Variants in GPR137 observed in about 807,000 individuals in gnomAD.
GPR137 encodes the protein G protein-coupled receptor 137.
Under a neutral mutation model 38.9 loss-of-function variants are expected in GPR137, and 20 were observed. That is an observed-to-expected ratio of 0.51 (90% confidence interval 0.36 to 0.75). GPR137 has a LOEUF of 0.75. GPR137 is among the 30% of genes least tolerant of loss of function. The pLI is 0.00. For missense variants in GPR137, 456 were observed against 526.4 expected (o/e 0.87, Z 1.31); for synonymous variants, 226 against 235.8 (o/e 0.96, Z 0.38).
Position 64,287,951 on chromosome 11 carries a change from G to T in GPR137, c.633+5G>T. The T allele has an allele frequency of 6.2e-7, 1 of 1,601,258 alleles. No individual in the cohort carries two copies. Among genetic ancestry groups the T allele is most frequent in the Non-Finnish European group, 8.5e-7 (1 of 1,179,900 alleles). ...AGCATCTACCTGGAGGCCAAGGTAG[G>T]GCTGCAGCACTGATGCCCAGGTGTC... is the stretch of plus-strand genomic sequence containing the variant. On this transcript the variant is annotated splice_donor_5th_base_variant and intron_variant, in intron 3 of 6. Coordinates refer to ENST00000438980, the MANE Select transcript of GPR137 (RefSeq NM_001170880.2).
chr11:64,288,457 C>T lies in GPR137; in HGVS notation c.901C>T (p.Pro301Ser). The change falls in exon 5 of 7, where the codon CCA (proline) becomes TCA (serine). Residue 301 changes from proline to serine, a missense_variant. Pro to Ser is a moderately conservative substitution (Grantham distance 74). Transcript: ENST00000438980. The surrounding 1 kb of genome is among the most constrained non-coding windows in gnomAD (Gnocchi z 5.5). ...GGGCTTCTTCCGGGTGCACCGGCCC[C>T]CACAGGACCTGGTAAGGGTCTGCTC... The part of the protein sequence containing the change: ...LVGFFRVHRP[P>S]QDLSTSHILN... The T allele has an allele frequency of 1.9e-6, 3 of 1,613,402 alleles. No individual in the cohort carries two copies. The South Asian group carries it at 3.3e-5, about 18-fold the overall frequency.
chr11:64,285,428 G>A, upstream of GPR137: 1 of 984,240 alleles, frequency 1.0e-6, no homozygotes, highest in Non-Finnish European at 1.2e-6. Flanking sequence ...GCCCGCGCGG[G>A]GGATTCGGGG....
upstream of GPR137, among the ~76,000 whole-genome samples, chr11:64,272,330 AAAGC>A (rs1041701056): frequency 1.3e-5 from 2 of 151,992 alleles, no homozygotes. Flanking sequence ...AAAAAAAAAA[AAAGC>A]AAGAAGTATT....
upstream of GPR137, among the ~76,000 whole-genome samples, chr11:64,273,923 ATGTC>A (rs1219355715): frequency 6.6e-6 from 1 of 150,866 alleles, no homozygotes; most frequent in Non-Finnish European, 1.5e-5. Flanking sequence ...ATGGCAAGAT[ATGTC>A]TGTCAGGGAG....
rs956745658 is a variant in GPR137 at position 64,286,135 on chromosome 11, G to A, written c.-390G>A. 8 of 1,019,424 alleles carry A rather than the reference G, an allele frequency of 7.8e-6. No homozygotes were observed. Among genetic ancestry groups the A allele is most frequent in the African/African-American group, 1.7e-5 (1 of 58,552 alleles). 63.1% of individuals were successfully genotyped at this position (1,019,424 alleles called of 1,614,324 possible). A position where few individuals can be genotyped will look rare whatever the true frequency, so the allele number is the denominator to read the frequency against. ...AGCGGCCGCTGCCCTGACCCGACGG[G>A]TATCAGCCGGCTCTCCCCCTCCACC... On this transcript the variant is annotated 5_prime_UTR_variant, in exon 1 of 7. Coordinates refer to ENST00000438980, the MANE Select transcript of GPR137 (RefSeq NM_001170880.2).
upstream of GPR137, chr11:64,284,475 C>G (rs943095812): frequency 1.3e-6 from 2 of 1,592,284 alleles, no homozygotes; most frequent in Non-Finnish European, 1.7e-6. Flanking sequence ...CCCACCGTAG[C>G]GCCCCCAGGC....
At chr11:64,272,136 T>G (rs2032678072), upstream of GPR137, among the ~76,000 whole-genome samples, 1 of 152,114 alleles carries the variant, frequency 6.6e-6, no homozygotes, top group Non-Finnish European at 1.5e-5. Flanking sequence ...CTGGCCAACA[T>G]GGTGAAACCC....
In GPR137 at chr11:64,288,475, G is replaced by A; in HGVS notation, c.912+7G>A. 6.2e-7 allele frequency: 1 copy of A among 1,613,170 alleles called. No homozygotes were observed. Among genetic ancestry groups the A allele is most frequent in the African/African-American group, 1.3e-5 (1 of 75,070 alleles). On this transcript the variant is annotated splice_region_variant and intron_variant, in intron 5 of 6. Transcript: ENST00000438980. The surrounding 1 kb of genome is among the most constrained non-coding windows in gnomAD (Gnocchi z 5.5). ...CCGGCCCCCACAGGACCTGGTAAGG[G>A]TCTGCTCCCTCTTCTGTGGGGCCAG...
At chr11:64,273,975 A>G (rs2032845386), upstream of GPR137, among the ~76,000 whole-genome samples, 1 of 152,048 alleles carries the variant, frequency 6.6e-6, no homozygotes, top group South Asian at 2.1e-4. Flanking sequence ...CAGGAACTGA[A>G]GGCGGGGGAT....
At chr11:64,275,192 G>T (rs999620819), upstream of GPR137, among the ~76,000 whole-genome samples, 2 of 151,562 alleles carry the variant, frequency 1.3e-5, no homozygotes, top group African/African-American at 4.9e-5. Flanking sequence ...ACTAGGTCAG[G>T]AGTAAAGATT....
chr11:64,276,984 T>A, intron 2 of GPR137: 1 of 731,252 alleles, frequency 1.4e-6, no homozygotes, highest in East Asian at 2.6e-5. Flanking sequence ...TCCGCGAGCA[T>A]CCCTGCACTG....
Position 64,288,181 on chromosome 11 carries a change from C to G in GPR137, c.750C>G (p.Thr250=). Residue 250 remains threonine, a synonymous_variant, in exon 4 of 7, where the codon ACC becomes ACG. Coordinates refer to ENST00000438980, the MANE Select transcript of GPR137 (RefSeq NM_001170880.2). The surrounding 1 kb of genome is among the most constrained non-coding windows in gnomAD (Gnocchi z 5.5). ...LALAPQSRLD[T]FDYDWYNVSD... ...TGGCCCCCCAGAGCCGGCTGGACAC[C>G]TTCGATTACGACTGGTACAATGTGT... 4.3e-6 allele frequency: 7 copies of G among 1,613,234 alleles called. No individual in the cohort carries two copies. The highest frequency in any genetic ancestry group is 5.9e-6 in the Non-Finnish European group (7 of 1,179,976).
upstream of GPR137, among the ~76,000 whole-genome samples, chr11:64,273,651 T>C (rs961410285): frequency 2.0e-5 from 3 of 150,286 alleles, no homozygotes; most frequent in Non-Finnish European, 3.0e-5. Flanking sequence ...GAGGCCGAGG[T>C]TGGGGAGATC....
chr11:64,277,088 AC>A (rs1312775849), intron 2 of GPR137: 4 of 685,254 alleles, frequency 5.8e-6, no homozygotes, highest in South Asian at 4.7e-5. Context: ...ATTACAAGAC[AC>A]TTGCACACTG....
At chr11:64,276,762 G>T in intron 2 of GPR137, 1 of 600,020 alleles carries the variant, frequency 1.7e-6, no homozygotes, top group South Asian at 2.0e-5. Flanking sequence ...GGGAAGGGGT[G>T]TGGCTCCTCC....
In GPR137 at chr11:64,289,092, G is replaced by A; in HGVS notation, c.1087G>A (p.Gly363Ser). ...GTATGGTGCCATCGGGCGTGAGCCG[G>A]GCTGGTATGGGGGCAGCCAGACGAA... The part of the protein sequence containing the change: ...SWYGAIGREP[G>S]WYGGSQTKTT... The change falls in exon 7 of 7, where the codon GGC (glycine) becomes AGC (serine). Residue 363 changes from glycine (G) to serine (S), a missense_variant. By Grantham distance (56) the Gly-to-Ser change is moderately conservative. Transcript: ENST00000438980. 6.2e-7 allele frequency: 1 copy of A among 1,611,608 alleles called. No individual in the cohort carries two copies. The highest frequency in any genetic ancestry group is 8.5e-7 in the Non-Finnish European group (1 of 1,179,638).
In GPR137 at chr11:64,289,368, T is replaced by TG. The variant is rs751647893; in HGVS notation, c.*178dup. The TG allele has an allele frequency of 3.2e-6, 5 of 1,572,830 alleles. No homozygotes were observed. The highest frequency in any genetic ancestry group is 1.7e-4 in the Middle Eastern group (1 of 5,732). ...GTGAGCTTGTGCCGTCCCCCTAGGA[T>TG]GGGGGGCATGGCCCTGGCTGCCAGA... On this transcript the variant is annotated 3_prime_UTR_variant, in exon 7 of 7. Coordinates refer to ENST00000438980, the MANE Select transcript of GPR137 (RefSeq NM_001170880.2).
In GPR137 at chr11:64,289,252, CTG is replaced by C. The variant is rs1479807355; in HGVS notation, c.*59_*60del. The C allele has an allele frequency of 3.1e-6, 5 of 1,613,398 alleles. No individual in the cohort carries two copies. Among genetic ancestry groups the C allele is most frequent in the Non-Finnish European group, 4.2e-6 (5 of 1,179,738 alleles). ...CCCCAGTCCCCCTCACCCTAGGCCC[CTG>C]TGCCAAGTTTGTCTGCCGCTTCTTG... On this transcript the variant is annotated 3_prime_UTR_variant, in exon 7 of 7. Coordinates refer to ENST00000438980, the MANE Select transcript of GPR137 (RefSeq NM_001170880.2).
upstream of GPR137, chr11:64,284,160 G>A (rs748135213): frequency 1.3e-4 from 202 of 1,552,860 alleles, no homozygotes; most frequent in Non-Finnish European, 1.7e-4. Context: ...GTCCCGGCAG[G>A]TGGAGGTGGT....
Sources: gnomAD v4.1 joint callset for allele counts (sites outside exome capture counted in the v4.1 genomes callset) on GRCh38, gnomAD v4.1.1 for gene constraint, Gnocchi (gnomAD v3.1) non-coding constraint, MANE v1.5 for transcripts, NCBI Gene and HGNC (gene_info 2026-07-23, HGNC 2026-07-21) for gene names.